Variants in USH2A observed in about 807,000 individuals in gnomAD.
USH2A encodes the protein Usher syndrome 2A (autosomal recessive, mild).
A neutral mutation model predicts 538.9 loss-of-function variants in USH2A; 443 were observed. The ratio of observed to expected loss-of-function variants is 0.82; its 90% CI spans 0.76 to 0.89. USH2A has a LOEUF of 0.89. Ranked by LOEUF, USH2A falls within the 40% of genes least tolerant of loss-of-function variation. USH2A has a pLI of 0.00. For missense variants in USH2A, 6,633 were observed against 6,324.8 expected (o/e 1.05, Z -1.65); for synonymous variants, 2,413 against 2,273.5 (o/e 1.06, Z -1.75).
intron 3 of USH2A, among the ~76,000 whole-genome samples, chr1:216,406,134 A>G (rs1176405518): frequency 6.6e-6 from 1 of 152,190 alleles, no homozygotes; most frequent in African/African-American, 2.4e-5. Flanking sequence ...GTGGTGGATA[A>G]AATTTTAATA....
intron 13 of USH2A, 131 bp downstream of exon 13, chr1:216,246,454 A>G: frequency 9.0e-7 from 1 of 1,111,864 alleles, no homozygotes. Flanking sequence ...GTGTTGGATA[A>G]TGATATAAAT....
chr1:216,078,919 T>C (rs973597759), intron 26 of USH2A, among the ~76,000 whole-genome samples: 3 of 152,164 alleles, frequency 2.0e-5, no homozygotes, highest in Non-Finnish European at 4.4e-5. Flanking sequence ...TTAACTAACA[T>C]AATTGCTTCT....
intron 17 of USH2A, among the ~76,000 whole-genome samples, chr1:216,198,920 A>G (rs1377396663): frequency 6.6e-6 from 1 of 152,192 alleles, no homozygotes; most frequent in Non-Finnish European, 1.5e-5. Flanking sequence ...ATTGATATTC[A>G]CAATTTCTGT....
chr1:216,320,939 T>A (rs181093734), intron 9 of USH2A, among the ~76,000 whole-genome samples: 4 of 152,230 alleles, frequency 2.6e-5, no homozygotes, highest in African/African-American at 9.6e-5. Context: ...ACAGAATATG[T>A]CATTAATTTC....
rs2102658890 is a variant in USH2A at position 216,327,653 on chromosome 1, A to G, written c.786T>C (p.Gly262=). 1.9e-6 allele frequency: 3 copies of G among 1,613,056 alleles called. No individual in the cohort carries two copies. The highest frequency in any genetic ancestry group is 2.5e-6 in the Non-Finnish European group (3 of 1,179,418). The part of the protein sequence containing the change: ...GTVQIGQSLN[G]LEQFVGRMQD... ...GCATTCTTCCGACAAACTGCTCTAA[A>G]CCTGCAAATACACACATGTGCATAA... Residue 262 remains glycine (G), a splice_region_variant and synonymous_variant, in exon 5 of 72, where the codon GGT becomes GGC. Transcript: ENST00000307340.
At chr1:216,215,314 C>G (rs2035322142) in intron 15 of USH2A, among the ~76,000 whole-genome samples, 1 of 152,086 alleles carries the variant, frequency 6.6e-6, no homozygotes, top group African/African-American at 2.4e-5. Context: ...CTGTTGGATA[C>G]AGAGACAAAT....
At chr1:215,687,465 C>G (rs1056850707) in intron 61 of USH2A, among the ~76,000 whole-genome samples, 3 of 151,686 alleles carry the variant, frequency 2.0e-5, no homozygotes, top group African/African-American at 7.3e-5. Context: ...TCTTTATAGA[C>G]AAATTGGCTG....
rs61657867 is a variant in USH2A, at chr1:216,355,307, A to AAAAGAAAGAAAGAAAGAAAGAAAGAAAG, written c.784+9618_784+9645dup. On this transcript the variant is annotated intron_variant, in intron 4 of 71. Coordinates refer to ENST00000307340, the MANE Select transcript of USH2A (RefSeq NM_206933.4). ...TGACAGAGTGAAAGACTCTGCTTCAAAAAGAAAGAAAGAAAGAAAGAAAGA... is the reference window on the plus strand; with the variant it reads ...TGACAGAGTGAAAGACTCTGCTTCAAAAAGAAAGAAAGAAAGAAAGAAAGAAAGAAAGAAAGAAAGAAAGAAAGAAAGA... Among the ~76,000 whole-genome samples, 188 of 103,406 alleles carry AAAAGAAAGAAAGAAAGAAAGAAAGAAAG rather than the reference A, an allele frequency of 1.8e-3. 5 individuals carry two copies. Among genetic ancestry groups the AAAAGAAAGAAAGAAAGAAAGAAAGAAAG allele is most frequent in the Non-Finnish European group, 1.7e-3 (94 of 54,776 alleles). 67.8% of individuals were successfully genotyped at this position (103,406 alleles called of 152,430 possible).
chr1:216,063,529 C>G (rs138887432), intron 30 of USH2A, among the ~76,000 whole-genome samples: 35 of 152,024 alleles, frequency 2.3e-4, no homozygotes, highest in African/African-American at 8.4e-4. Flanking sequence ...GAAAAAAAAT[C>G]AAAGAATTCA....
intron 47 of USH2A, among the ~76,000 whole-genome samples, chr1:215,823,643 T>C (rs1171634456): frequency 6.6e-6 from 1 of 152,096 alleles, no homozygotes; most frequent in Non-Finnish European, 1.5e-5. Context: ...CTTGCTCTTG[T>C]TTACCTTCCT....
intron 63 of USH2A, among the ~76,000 whole-genome samples, chr1:215,673,523 C>T (rs531317913): frequency 6.6e-6 from 1 of 152,132 alleles, no homozygotes; most frequent in Non-Finnish European, 1.5e-5. Context: ...TGTCACAGAG[C>T]CCAGATGGGA....
rs898877791 is a variant in USH2A, at chr1:216,097,101, A to G, written c.4740T>C (p.Tyr1580=). 1.2e-6 allele frequency: 2 copies of G among 1,613,958 alleles called. No individual in the cohort carries two copies. Among genetic ancestry groups the G allele is most frequent in the African/African-American group, 1.3e-5 (1 of 74,928 alleles). ...CATTTACCTGAGGATCAAAAAGAAA[A>G]TAAAGACGTCCCTTCTTCAACTGAA... ...FALQLKKGRL[Y]FLFDPQGSPV... is the part of the protein sequence containing the mutation. Residue 1580 remains tyrosine, a synonymous_variant, in exon 22 of 72, where the codon TAT becomes TAC. Transcript: ENST00000307340.
intron 37 of USH2A, among the ~76,000 whole-genome samples, chr1:215,959,526 G>A (rs643311): frequency 0.84 from 126,990 of 152,038 alleles, 53,245 homozygotes; most frequent in East Asian, 0.98. Context: ...TTCAGAAAGA[G>A]TTATCTGAGA....
intron 71 of USH2A, 119 bp downstream of exon 71, chr1:215,628,695 C>T: frequency 9.7e-7 from 1 of 1,030,388 alleles, no homozygotes; most frequent in Non-Finnish European, 1.5e-6. Context: ...TACTACCTCA[C>T]TGGCTAAGTG....
chr1:215,631,460 A>T (rs1208093825), intron 70 of USH2A, among the ~76,000 whole-genome samples: 1 of 152,218 alleles, frequency 6.6e-6, no homozygotes, highest in Non-Finnish European at 1.5e-5. Context: ...AGTTTGGCTA[A>T]TTTTTGACAA....
chr1:215,704,788 T>C (rs1659137257), intron 61 of USH2A, among the ~76,000 whole-genome samples: 1 of 152,216 alleles, frequency 6.6e-6, no homozygotes, highest in Non-Finnish European at 1.5e-5. Flanking sequence ...ACAAATTTAA[T>C]GTCATCTCCA....
At chr1:216,373,327 T>C (rs1267283865) in intron 3 of USH2A, among the ~76,000 whole-genome samples, 1 of 152,170 alleles carries the variant, frequency 6.6e-6, no homozygotes, top group Non-Finnish European at 1.5e-5. Context: ...ATCTTGGAAG[T>C]CTCCTCCACC....
chr1:215,681,658 T>C (rs1332015426), intron 61 of USH2A, among the ~76,000 whole-genome samples: 3 of 152,218 alleles, frequency 2.0e-5, no homozygotes, highest in Non-Finnish European at 2.9e-5. Context: ...CAAACAGAAT[T>C]GTTTTCCAAA....
At chr1:215,713,102 C>T (rs1012755481) in intron 61 of USH2A, among the ~76,000 whole-genome samples, 27 of 152,328 alleles carry the variant, frequency 1.8e-4, no homozygotes, top group South Asian at 1.0e-3. Context: ...CCACAGCGCC[C>T]GGCCAGAAGA....
Sources: allele counts gnomAD v4.1 joint callset (sites outside exome capture counted in the v4.1 genomes callset), GRCh38; gene constraint gnomAD v4.1.1; transcripts MANE v1.5; gene names NCBI Gene and HGNC (gene_info 2026-07-23, HGNC 2026-07-21).